Variants in INF2 observed in about 807,000 individuals in gnomAD.
INF2 encodes the protein inverted formin 2.
A neutral mutation model predicts 123.5 loss-of-function variants in INF2; 43 were observed. The observed-to-expected ratio is 0.35, with a 90% CI of 0.27 to 0.45. INF2 has a LOEUF of 0.45. Ranked by LOEUF, INF2 falls within the 20% of genes least tolerant of loss-of-function variation. The probability of loss-of-function intolerance (pLI) is 1.00; values close to 1 mark genes in which losing one functional copy is unlikely to be tolerated. For missense variants in INF2, 1,453 were observed against 1,682.7 expected (o/e 0.86, Z 2.39); for synonymous variants, 851 against 745.0 (o/e 1.14, Z -2.32).
chr14:104,692,852 C>T (rs1889019464), intron 1 of INF2, among the ~76,000 whole-genome samples: 1 of 152,266 alleles, frequency 6.6e-6, no homozygotes, highest in African/African-American at 2.4e-5. Context: ...TGCAGCTTTT[C>T]CCAGAGGCAG....
In INF2 at chr14:104,699,693, A is replaced by G. The variant is rs1889379918; in HGVS notation, c.-9-1664A>G. 3 of 669,030 alleles carry G rather than the reference A, an allele frequency of 4.5e-6. No homozygotes were observed. The highest frequency in any genetic ancestry group is 6.6e-5 in the South Asian group (1 of 15,220). The allele number at this position is 669,030 out of a possible 1,614,324, so 41.4% of individuals were successfully genotyped here. On this transcript the variant is annotated intron_variant, in intron 1 of 22. Coordinates refer to ENST00000392634, the MANE Select transcript of INF2 (RefSeq NM_022489.4). The surrounding 1 kb of genome is among the most constrained non-coding windows in gnomAD (Gnocchi z 4.7). ...GGGGGCTCCGGGCTCTCCGTTCTAC[A>G]GTGCCCAGACCAGGACCCCCTGCAG...
At chr14:104,706,455 C>G (rs1051532508) in intron 6 of INF2, among the ~76,000 whole-genome samples, 1 of 152,190 alleles carries the variant, frequency 6.6e-6, no homozygotes, top group Non-Finnish European at 1.5e-5. Context: ...AAGACCAGTG[C>G]GGCCCACAGC....
upstream of INF2, chr14:104,689,373 AC>A (rs1888813177): frequency 1.6e-6 from 1 of 641,292 alleles, no homozygotes; most frequent in Non-Finnish European, 1.9e-6. Context: ...TGCGCGTCCC[AC>A]CCCCATCTCC....
chr14:104,695,381 G>A (rs1889136617), intron 1 of INF2, among the ~76,000 whole-genome samples: 1 of 152,116 alleles, frequency 6.6e-6, no homozygotes, highest in Admixed American at 6.5e-5. Flanking sequence ...AGGTGACCAG[G>A]CCCTCAGGGA....
intron 1 of INF2, chr14:104,683,938 G>T (rs763720653): frequency 4.8e-6 from 2 of 420,220 alleles, no homozygotes; most frequent in Admixed American, 2.6e-5. Flanking sequence ...TTGGGGTGCG[G>T]GTGGGTCTCA....
At chr14:104,687,409 T>C (rs1888690169), upstream of INF2, among the ~76,000 whole-genome samples, 1 of 151,794 alleles carries the variant, frequency 6.6e-6, no homozygotes, top group South Asian at 2.1e-4. The surrounding 1 kb of genome is among the most constrained non-coding windows in gnomAD (Gnocchi z 5.6). Context: ...GAAAACCCCC[T>C]TTCAGTGTCC....
chr14:104,699,081 C>G lies in INF2; in HGVS notation c.-9-2276C>G, dbSNP rs1375291241. ...GAGCGCTGGGCAGTGCCAAGAGGGG[C>G]AGTACTCAGGTCAGGGAGCATCTTC... On this transcript the variant is annotated intron_variant, in intron 1 of 22. Transcript: ENST00000392634. The surrounding 1 kb of genome is among the most constrained non-coding windows in gnomAD (Gnocchi z 4.7). 2.0e-5 allele frequency among the ~76,000 whole-genome samples: 3 copies of G among 152,068 alleles called. No individual in the cohort carries two copies. Among genetic ancestry groups the G allele is most frequent in the African/African-American group, 7.2e-5 (3 of 41,398 alleles).
At chr14:104,709,734 G>C (rs982962006) in intron 12 of INF2, 29 bp downstream of exon 12, 1 of 1,594,014 alleles carries the variant, frequency 6.3e-7, no homozygotes. Context: ...AGACCCCAGG[G>C]CCTGGGCCCC....
At chr14:104,683,863 T>G (rs570873842) in intron 1 of INF2, among the ~76,000 whole-genome samples, 5 of 152,008 alleles carry the variant, frequency 3.3e-5, no homozygotes, top group African/African-American at 1.2e-4. Flanking sequence ...CTCTTCTGAG[T>G]CTGCAGGGTT....
intron 1 of INF2, among the ~76,000 whole-genome samples, chr14:104,694,530 T>C (rs1357145344): frequency 6.6e-6 from 1 of 152,202 alleles, no homozygotes; most frequent in Non-Finnish European, 1.5e-5. Context: ...TGCACTGGCA[T>C]TACAGGTGGC....
intron 1 of INF2, among the ~76,000 whole-genome samples, chr14:104,683,608 T>TC (rs946912597): frequency 1.2e-5 from 1 of 81,768 alleles, no homozygotes; most frequent in African/African-American, 4.9e-5. Context: ...CCCGCCCCCC[T>TC]CCCCACCACA....
At chr14:104,697,886 C>CT (rs200159815) in intron 1 of INF2, among the ~76,000 whole-genome samples, 1 of 148,020 alleles carries the variant, frequency 6.8e-6, no homozygotes. Context: ...TGGTGGACTG[C>CT]CGGGGGGGGT....
chr14:104,717,295 T>TA (rs1555375987), intron 22 of INF2, among the ~76,000 whole-genome samples: 18 of 92,156 alleles, frequency 2.0e-4, no homozygotes, highest in African/African-American at 8.2e-4. Flanking sequence ...GTCCTCCCAG[T>TA]CCCCCCCCCG....
chr14:104,712,024 T>C (rs1890074079), intron 16 of INF2, among the ~76,000 whole-genome samples: 2 of 152,050 alleles, frequency 1.3e-5, no homozygotes, highest in Non-Finnish European at 2.9e-5. Context: ...CCTCCCTCAT[T>C]GTATAGATGA....
At chr14:104,689,250 G>A (rs1043812754), upstream of INF2, 7 of 985,266 alleles carry the variant, frequency 7.1e-6, no homozygotes, top group African/African-American at 1.2e-4. Flanking sequence ...AGAGAGGTGA[G>A]CGGCGCCTGG....
chr14:104,716,021 C>A, intron 22 of INF2: 1 of 450,710 alleles, frequency 2.2e-6, no homozygotes. Flanking sequence ...CAGCCAGGTC[C>A]GTCCACAGGG....
chr14:104,705,564 GAACACT>G (rs1162599901), intron 5 of INF2, among the ~76,000 whole-genome samples: 1 of 152,174 alleles, frequency 6.6e-6, no homozygotes, highest in African/African-American at 2.4e-5. Flanking sequence ...TAGGCCCAGT[GAACACT>G]AAGTTTCCTC....
chr14:104,717,751 G>C (rs34055148), intron 22 of INF2: 71,108 of 152,020 alleles, frequency 0.47, 18,174 homozygotes, highest in East Asian at 0.89. Flanking sequence ...CCACGGCTGC[G>C]GGGGTGGTTT....
chr14:104,702,524 A>G (rs1394507896), intron 2 of INF2, among the ~76,000 whole-genome samples: 1 of 151,214 alleles, frequency 6.6e-6, no homozygotes, highest in Non-Finnish European at 1.5e-5. Flanking sequence ...GGGACGAGCT[A>G]GGGTGGGCAG....
Sources: allele counts gnomAD v4.1 joint callset (sites outside exome capture counted in the v4.1 genomes callset), GRCh38; gene constraint gnomAD v4.1.1; non-coding constraint Gnocchi (gnomAD v3.1); transcripts MANE v1.5; gene names NCBI Gene and HGNC (gene_info 2026-07-23, HGNC 2026-07-21).